EEIG2: variants seen among roughly 807,000 people sequenced by gnomAD.
EEIG2 encodes the protein family with sequence similarity 102 member B.
chr1:108,584,360 A>T, the EEIG2 span, among the ~76,000 whole-genome samples: 49 of 152,274 alleles, frequency 3.2e-4, no homozygotes, highest in Middle Eastern at 3.4e-3. Flanking sequence ...AAACCTGATT[A>T]CTAGTTTAAG....
chr1:108,625,744 C>G, the EEIG2 span: 1 of 152,252 alleles, frequency 6.6e-6, no homozygotes, highest in Non-Finnish European at 1.5e-5. Context: ...CCACTCTGCC[C>G]CAAATATAGA....
At chr1:108,603,868 A>T in the EEIG2 span, among the ~76,000 whole-genome samples, 1 of 152,266 alleles carries the variant, frequency 6.6e-6, no homozygotes, top group Non-Finnish European at 1.5e-5. Context: ...AGATGGATTT[A>T]ACAGCAGGTT....
At chr1:108,581,124 A>G in the EEIG2 span, among the ~76,000 whole-genome samples, 3 of 152,288 alleles carry the variant, frequency 2.0e-5, no homozygotes, top group East Asian at 1.9e-4. Context: ...CCTGTGCTCT[A>G]TAAATAGAAG....
At chr1:108,576,048 G>C in the EEIG2 span, among the ~76,000 whole-genome samples, 1 of 152,068 alleles carries the variant, frequency 6.6e-6, no homozygotes, top group Non-Finnish European at 1.5e-5. Context: ...AGGTGTCACT[G>C]TTTGCCCAGG....
chr1:108,628,799 C>A, the EEIG2 span: 1 of 1,611,222 alleles, frequency 6.2e-7, no homozygotes, highest in Admixed American at 1.7e-5. Flanking sequence ...GATTCCAGTG[C>A]GGAAGGTGTG....
At chr1:108,607,769 T>C in the EEIG2 span, among the ~76,000 whole-genome samples, 1 of 152,166 alleles carries the variant, frequency 6.6e-6, no homozygotes, top group East Asian at 1.9e-4. Context: ...TCCTCTTGAT[T>C]TTTCCCCTCT....
the EEIG2 span, among the ~76,000 whole-genome samples, chr1:108,632,135 A>AAAAAAAAAAAAAGG: frequency 1.5e-5 from 1 of 67,648 alleles, no homozygotes; most frequent in Non-Finnish European, 2.6e-5. Context: ...AAAAAAAAAA[A>AAAAAAAAAAAAAGG]AGAAGAAGAA....
the EEIG2 span, among the ~76,000 whole-genome samples, chr1:108,563,240 T>C: frequency 1.3e-5 from 2 of 152,208 alleles, no homozygotes; most frequent in Non-Finnish European, 2.9e-5. Flanking sequence ...TTATGCTAAA[T>C]TCCATCTGGA....
the EEIG2 span, among the ~76,000 whole-genome samples, chr1:108,630,713 A>G: frequency 1.3e-5 from 2 of 152,196 alleles, no homozygotes; most frequent in Admixed American, 1.3e-4. Flanking sequence ...CACCAAGGAC[A>G]GTGTAGGAAT....
At chr1:108,571,006 T>G in the EEIG2 span, among the ~76,000 whole-genome samples, 2 of 152,144 alleles carry the variant, frequency 1.3e-5, no homozygotes, top group Non-Finnish European at 2.9e-5. Flanking sequence ...GGTATGGATG[T>G]TGCTGAGATG....
At chr1:108,607,130 T>G in the EEIG2 span, among the ~76,000 whole-genome samples, 1 of 152,220 alleles carries the variant, frequency 6.6e-6, no homozygotes, top group African/African-American at 2.4e-5. Flanking sequence ...AACTGGTCAA[T>G]CCACTGACTG....
chr1:108,616,531 C>A, the EEIG2 span: 1 of 756,192 alleles, frequency 1.3e-6, no homozygotes, highest in Non-Finnish European at 2.2e-6. Context: ...TAAGAAAATA[C>A]CAGTTAAGGG....
the EEIG2 span, among the ~76,000 whole-genome samples, chr1:108,618,345 G>A: frequency 6.6e-6 from 1 of 152,158 alleles, no homozygotes; most frequent in Non-Finnish European, 1.5e-5. Context: ...GATGCTCATT[G>A]AAGAGCAAGG....
chr1:108,600,502 G>T, the EEIG2 span: 1 of 1,557,308 alleles, frequency 6.4e-7, no homozygotes. Context: ...TGAAAGTATG[G>T]GTGTGCTTTT....
the EEIG2 span, among the ~76,000 whole-genome samples, chr1:108,571,191 G>A: frequency 6.6e-6 from 1 of 152,118 alleles, no homozygotes; most frequent in African/African-American, 2.4e-5. Context: ...CAGACATCAC[G>A]TGCCTCAAGC....
chr1:108,589,783 C>CTTTTTTTT, the EEIG2 span, among the ~76,000 whole-genome samples: 26 of 85,138 alleles, frequency 3.1e-4, no homozygotes, highest in Admixed American at 6.0e-4. Flanking sequence ...GTCTTTTGTC[C>CTTTTTTTT]TTTTTTTTTT....
chr1:108,623,705 T>A, the EEIG2 span, among the ~76,000 whole-genome samples: 2 of 152,096 alleles, frequency 1.3e-5, no homozygotes, highest in African/African-American at 4.8e-5. Flanking sequence ...GGAGTCTCGC[T>A]CTGTCGCCCA....
chr1:108,595,080 A>G, the EEIG2 span, among the ~76,000 whole-genome samples: 14 of 152,314 alleles, frequency 9.2e-5, no homozygotes, highest in African/African-American at 3.4e-4. Context: ...GCAAATAATA[A>G]CATATACGAT....
the EEIG2 span, among the ~76,000 whole-genome samples, chr1:108,566,580 T>C: frequency 1 from 151,610 of 152,314 alleles, 75,462 homozygotes; most frequent in Middle Eastern, 1. Flanking sequence ...TCTGTACTCT[T>C]ATTGTCTTTG....
Sources: allele counts gnomAD v4.1 joint callset (sites outside exome capture counted in the v4.1 genomes callset), GRCh38; gene constraint gnomAD v4.1.1; transcripts MANE v1.5; gene names NCBI Gene and HGNC (gene_info 2026-07-23, HGNC 2026-07-21).